The following STPG2 variants were observed in gnomAD, a reference collection of about 807,000 sequenced individuals.
The protein encoded by STPG2 is sperm tail PG-rich repeat containing 2, also known as sperm-tail PG-rich repeat-containing protein 2.
Under a neutral mutation model 54.2 loss-of-function variants are expected in STPG2, and 56 were observed. The ratio of observed to expected loss-of-function variants is 1.03; its 90% CI spans 0.83 to 1.29. The LOEUF (loss-of-function observed/expected upper bound fraction) is 1.29. Ranked by LOEUF, STPG2 falls within the 50% of genes most tolerant of loss-of-function variation. The pLI is 0.00. For synonymous variants in STPG2, 200 were observed against 181.8 expected (o/e 1.10, Z -0.81); for missense variants, 596 against 544.9 (o/e 1.09, Z -0.93).
chr4:97,833,476 C>T (rs939230192), intron 9 of STPG2, among the ~76,000 whole-genome samples: 5 of 151,992 alleles, frequency 3.3e-5, no homozygotes, highest in East Asian at 1.9e-4. Context: ...ACACCAAAAG[C>T]AATGGCAACA....
intron 10 of STPG2, among the ~76,000 whole-genome samples, chr4:97,617,171 C>T (rs1024342381): frequency 6.6e-5 from 10 of 151,346 alleles, no homozygotes; most frequent in African/African-American, 2.4e-4. Context: ...AACTGTTGTT[C>T]ATGAAGGCAA....
chr4:97,884,393 C>A (rs181632400), intron 8 of STPG2, among the ~76,000 whole-genome samples: 1 of 151,912 alleles, frequency 6.6e-6, no homozygotes, highest in Non-Finnish European at 1.5e-5. Flanking sequence ...AGGCCCTAAT[C>A]CAATATAAGT....
intron 8 of STPG2, among the ~76,000 whole-genome samples, chr4:97,907,538 A>G (rs1431731989): frequency 6.6e-6 from 1 of 152,004 alleles, no homozygotes; most frequent in Admixed American, 6.6e-5. Flanking sequence ...ATATGGAACC[A>G]AAAAAGAGCC....
chr4:97,995,192 C>T (rs1269416960), intron 5 of STPG2, among the ~76,000 whole-genome samples: 2 of 146,156 alleles, frequency 1.4e-5, no homozygotes, highest in Non-Finnish European at 3.0e-5. Flanking sequence ...CCTGCAATAG[C>T]ACTGAGTTTA....
At chr4:97,860,345 C>A (rs1729479623) in intron 8 of STPG2, among the ~76,000 whole-genome samples, 1 of 151,992 alleles carries the variant, frequency 6.6e-6, no homozygotes, top group Non-Finnish European at 1.5e-5. Context: ...AATATTGATT[C>A]CACTCATCCA....
At chr4:98,105,790 G>A (rs2110140610) in intron 5 of STPG2, among the ~76,000 whole-genome samples, 163 bp downstream of exon 5, 1 of 152,096 alleles carries the variant, frequency 6.6e-6, no homozygotes, top group South Asian at 2.1e-4. Context: ...AGCAGAGACA[G>A]CAACCACTTG....
chr4:97,565,720 T>G (rs1732411621), intron 10 of STPG2, among the ~76,000 whole-genome samples: 1 of 152,190 alleles, frequency 6.6e-6, no homozygotes, highest in African/African-American at 2.4e-5. Context: ...TTTGCCTGGG[T>G]ACCAGCAGCG....
intron 4 of STPG2, among the ~76,000 whole-genome samples, chr4:97,503,713 A>G (rs561651622): frequency 2.0e-5 from 3 of 150,608 alleles, no homozygotes; most frequent in Non-Finnish European, 4.4e-5. Context: ...AATCCACTAC[A>G]TGGAAATAAC....
chr4:97,932,222 T>G (rs967333406), intron 8 of STPG2, among the ~76,000 whole-genome samples: 2 of 152,228 alleles, frequency 1.3e-5, no homozygotes, highest in Non-Finnish European at 2.9e-5. Flanking sequence ...GAATGTTTGT[T>G]CGTGTCTTGA....
chr4:97,810,945 A>G (rs980933731), intron 9 of STPG2, among the ~76,000 whole-genome samples: 3 of 152,172 alleles, frequency 2.0e-5, no homozygotes, highest in African/African-American at 7.2e-5. Context: ...TTTTCCTAAG[A>G]ATTTTTCATC....
chr4:97,546,456 G>A (rs1399107433), intron 4 of STPG2, among the ~76,000 whole-genome samples: 1 of 152,010 alleles, frequency 6.6e-6, no homozygotes, highest in Non-Finnish European at 1.5e-5. Flanking sequence ...AAGATTGGCA[G>A]ACATTGTTTA....
intron 10 of STPG2, among the ~76,000 whole-genome samples, chr4:97,591,555 T>C (rs1362141148): frequency 6.6e-6 from 1 of 152,220 alleles, no homozygotes; most frequent in Non-Finnish European, 1.5e-5. Context: ...ATAACCTGAT[T>C]CTTCCACAGA....
intron 4 of STPG2, among the ~76,000 whole-genome samples, chr4:97,543,090 T>C (rs1213218442): frequency 6.6e-6 from 1 of 151,842 alleles, no homozygotes; most frequent in Non-Finnish European, 1.5e-5. Flanking sequence ...AACCTGCACA[T>C]TGTGCACATG....
intron 9 of STPG2, among the ~76,000 whole-genome samples, chr4:97,770,711 C>T (rs1368377629): frequency 6.6e-6 from 1 of 152,048 alleles, no homozygotes; most frequent in Non-Finnish European, 1.5e-5. Flanking sequence ...AAGATAGATT[C>T]CACAGCACTT....
intron 4 of STPG2, among the ~76,000 whole-genome samples, chr4:97,473,158 C>A (rs932712752): frequency 2.0e-5 from 3 of 151,970 alleles, no homozygotes; most frequent in Non-Finnish European, 4.4e-5. Context: ...TGTGTTTGAA[C>A]AATATGAAAT....
intron 5 of STPG2, among the ~76,000 whole-genome samples, chr4:97,996,662 T>C (rs1481604857): frequency 1.4e-5 from 2 of 142,584 alleles, no homozygotes; most frequent in East Asian, 4.1e-4. Context: ...AGAGAAAAAT[T>C]TGGAAACTAT....
chr4:97,710,864 C>T (rs1724090855), intron 10 of STPG2, among the ~76,000 whole-genome samples: 1 of 151,860 alleles, frequency 6.6e-6, no homozygotes, highest in South Asian at 2.1e-4. Context: ...ACTCAGTTCT[C>T]AACAGAAAAG....
At chr4:97,617,140 G>GTA (rs1334215740) in intron 10 of STPG2, among the ~76,000 whole-genome samples, 3 of 151,872 alleles carry the variant, frequency 2.0e-5, no homozygotes, top group Middle Eastern at 3.4e-3. Context: ...GTGTGTGTGT[G>GTA]TGTGTGTGTA....
At chr4:97,902,946 T>C (rs1054531685) in intron 8 of STPG2, among the ~76,000 whole-genome samples, 4 of 152,146 alleles carry the variant, frequency 2.6e-5, no homozygotes, top group African/African-American at 9.7e-5. Context: ...TATATATTTA[T>C]ATGAATGAAT....
Sources: gnomAD v4.1 joint callset for allele counts (sites outside exome capture counted in the v4.1 genomes callset) on GRCh38, gnomAD v4.1.1 for gene constraint, MANE v1.5 for transcripts, NCBI Gene and HGNC (gene_info 2026-07-23, HGNC 2026-07-21) for gene names.